Variants in TLL1 observed in about 807,000 individuals in gnomAD.
TLL1 encodes tolloid-like protein 1.
A neutral mutation model predicts 128.2 loss-of-function variants in TLL1; 49 were observed. The observed-to-expected ratio is 0.38, with a 90% CI of 0.30 to 0.48. The LOEUF is 0.48. TLL1 is among the 20% of genes least tolerant of loss of function. The probability of loss-of-function intolerance (pLI) is 0.96; values close to 1 mark genes in which losing one functional copy is unlikely to be tolerated. For missense variants in TLL1, 1,123 were observed against 1,242.0 expected (o/e 0.90, Z 1.44); for synonymous variants, 454 against 418.8 (o/e 1.08, Z -1.03).
At chr4:165,973,421 A>G (rs1303608714) in intron 1 of TLL1, among the ~76,000 whole-genome samples, 1 of 152,018 alleles carries the variant, frequency 6.6e-6, no homozygotes, top group Non-Finnish European at 1.5e-5. Flanking sequence ...TACCTTTGGA[A>G]TCGAGTCCTT....
rs1028311124 is a variant in TLL1, at chr4:166,025,329, T to A, written c.1056T>A (p.Thr352=). 6.2e-7 allele frequency: 1 copy of A among 1,612,700 alleles called. No homozygotes were observed. Among genetic ancestry groups the A allele is most frequent in the Non-Finnish European group, 8.5e-7 (1 of 1,178,894 alleles). Residue 352 remains threonine, a synonymous_variant, in exon 9 of 21, where the codon ACT becomes ACA. Coordinates refer to ENST00000061240, the MANE Select transcript of TLL1 (RefSeq NM_012464.5). ...TTTTCCTTTCAGCATGTGGAGAAACTCTACAAGAATCCAATGGCAACCTTT... is the reference window on the plus strand; with the variant it reads ...TTTTCCTTTCAGCATGTGGAGAAACACTACAAGAATCCAATGGCAACCTTT... ...KLYRCPACGE[T]LQESNGNLSS...
At chr4:165,936,033 T>C (rs960422690) in intron 1 of TLL1, among the ~76,000 whole-genome samples, 3 of 151,712 alleles carry the variant, frequency 2.0e-5, no homozygotes, top group Admixed American at 6.6e-5. Flanking sequence ...TTTTTTTTCA[T>C]GTCAGCAGCT....
intron 10 of TLL1, among the ~76,000 whole-genome samples, chr4:166,039,867 A>G (rs1739166660): frequency 6.6e-6 from 1 of 152,172 alleles, no homozygotes; most frequent in Admixed American, 6.5e-5. Context: ...TGTTAGGTAC[A>G]TGTTTGGTAG....
At chr4:166,074,806 C>T in intron 16 of TLL1, 72 bp from the exon 17 acceptor site, 1 of 1,590,062 alleles carries the variant, frequency 6.3e-7, no homozygotes, top group South Asian at 1.1e-5. Flanking sequence ...TTAACCACAA[C>T]TAAATGACTC....
chr4:166,102,012 T>A lies in TLL1; in HGVS notation c.*1136T>A, dbSNP rs2111170844. 1 of 152,544 alleles carries A rather than the reference T, an allele frequency of 6.6e-6. No individual in the cohort carries two copies. Among genetic ancestry groups the A allele is most frequent in the East Asian group, 1.9e-4 (1 of 5,154 alleles). 9.4% of individuals were successfully genotyped at this position (152,544 alleles called of 1,614,324 possible). A position where few individuals can be genotyped will look rare whatever the true frequency, so the allele number is the denominator to read the frequency against. The stretch of plus-strand genomic sequence containing the variant: ...TTTTTTTCAAACAAGTTTTTGACCT[T>A]TGAGCCAACCCACCCGTAGACTACG... On this transcript the variant is annotated 3_prime_UTR_variant, in exon 21 of 21. Coordinates refer to ENST00000061240, the MANE Select transcript of TLL1 (RefSeq NM_012464.5).
chr4:165,891,314 A>AT (rs35961863), intron 1 of TLL1, among the ~76,000 whole-genome samples: 51,191 of 151,998 alleles, frequency 0.34, 9,091 homozygotes, highest in East Asian at 0.56. Flanking sequence ...CTTCAGCTGG[A>AT]TGAATTTCTC....
chr4:165,904,887 G>A (rs982081234), intron 1 of TLL1, among the ~76,000 whole-genome samples: 21 of 152,128 alleles, frequency 1.4e-4, no homozygotes, highest in Admixed American at 2.0e-4. Context: ...AAGAGAAATT[G>A]GACGGAAAAT....
Position 165,995,136 on chromosome 4 carries a change from G to A in TLL1, c.590G>A (p.Ser197Asn), listed in dbSNP as rs1174170332. 2 of 1,613,906 alleles carry A rather than the reference G, an allele frequency of 1.2e-6. No homozygotes were observed. The highest frequency in any genetic ancestry group is 1.7e-5 in the Admixed American group (1 of 59,990). Residue 197 changes from serine (S) to asparagine (N), a missense_variant, in exon 5 of 21, where the codon AGT becomes AAT. Coordinates refer to ENST00000061240, the MANE Select transcript of TLL1 (RefSeq NM_012464.5). ...ACATGTGTGACTTTCATAGAAAGAA[G>A]TGATGAAGAGAGTTACATTGTATTC... ...KHTCVTFIER[S>N]DEESYIVFTY...
chr4:165,926,671 G>C (rs1431251780), intron 1 of TLL1, among the ~76,000 whole-genome samples: 1 of 152,076 alleles, frequency 6.6e-6, no homozygotes, highest in African/African-American at 2.4e-5. Context: ...TTAGTGCCAG[G>C]TATCGTGTTT....
chr4:165,996,567 C>G (rs1736885605), intron 5 of TLL1, among the ~76,000 whole-genome samples: 1 of 151,858 alleles, frequency 6.6e-6, no homozygotes, highest in South Asian at 2.1e-4. Flanking sequence ...CCACTGCACT[C>G]CAGCCTGTGC....
intron 1 of TLL1, among the ~76,000 whole-genome samples, chr4:165,874,409 A>C (rs937565488): frequency 3.3e-5 from 5 of 152,084 alleles, no homozygotes; most frequent in Non-Finnish European, 5.9e-5. Flanking sequence ...TTAAATTCCA[A>C]CACTCAGCGG....
chr4:165,903,396 G>A (rs913684751), intron 1 of TLL1, among the ~76,000 whole-genome samples: 3 of 150,854 alleles, frequency 2.0e-5, no homozygotes, highest in South Asian at 2.1e-4. Context: ...TTTCTAAAAG[G>A]GTAGATCTTT....
intron 12 of TLL1, among the ~76,000 whole-genome samples, chr4:166,049,149 G>A (rs58681172): frequency 0.12 from 17,829 of 152,080 alleles, 1,117 homozygotes; most frequent in African/African-American, 0.17. Flanking sequence ...GAGTTATGCA[G>A]CTCTTCATGA....
chr4:166,070,490 G>T (rs1489282644), intron 16 of TLL1, among the ~76,000 whole-genome samples: 3 of 151,962 alleles, frequency 2.0e-5, no homozygotes, highest in Non-Finnish European at 4.4e-5. Context: ...AAAAGATTCA[G>T]TTATGACTCT....
At chr4:166,048,711 A>T (rs1333301967) in intron 12 of TLL1, among the ~76,000 whole-genome samples, 1 of 152,244 alleles carries the variant, frequency 6.6e-6, no homozygotes, top group Non-Finnish European at 1.5e-5. Flanking sequence ...AATGTCACCA[A>T]AGCAGAAAAG....
chr4:165,922,317 T>G (rs537911986), intron 1 of TLL1, among the ~76,000 whole-genome samples: 2 of 152,362 alleles, frequency 1.3e-5, no homozygotes, highest in East Asian at 3.9e-4. Flanking sequence ...ATTGGTTGGT[T>G]GTTTTTGAAA....
At chr4:165,973,508 G>A (rs1212485629) in intron 1 of TLL1, among the ~76,000 whole-genome samples, 1 of 151,888 alleles carries the variant, frequency 6.6e-6, no homozygotes, top group Non-Finnish European at 1.5e-5. Flanking sequence ...TGTTTCAGGT[G>A]CAATTCATTC....
chr4:165,914,022 CA>C lies in TLL1; in HGVS notation c.169+39960del, dbSNP rs113774671. 3.7e-3 allele frequency among the ~76,000 whole-genome samples: 525 copies of C among 140,348 alleles called. 2 individuals are homozygous for C. Among genetic ancestry groups the C allele is most frequent in the African/African-American group, 0.011 (443 of 39,436 alleles). The allele number at this position is 140,348 out of a possible 152,430, so 92.1% of individuals were successfully genotyped here. On this transcript the variant is annotated intron_variant, in intron 1 of 20. Transcript: ENST00000061240. ...GGGTGACAGAGTGAGACCTTGTCTC[CA>C]AAAAAAAAAAGAGAAAGCAATGTAG...
At chr4:165,997,313 T>C (rs752382173) in intron 5 of TLL1, among the ~76,000 whole-genome samples, 20 of 152,148 alleles carry the variant, frequency 1.3e-4, no homozygotes, top group Non-Finnish European at 1.9e-4. Context: ...CAATATTGGG[T>C]CTTTCATCTC....
Sources: allele counts gnomAD v4.1 joint callset (sites outside exome capture counted in the v4.1 genomes callset), GRCh38; gene constraint gnomAD v4.1.1; transcripts MANE v1.5; gene names NCBI Gene and HGNC (gene_info 2026-07-23, HGNC 2026-07-21).